The following CD2BP2 variants were observed in gnomAD, a reference collection of about 807,000 sequenced individuals.
The protein encoded by CD2BP2 is CD2 cytoplasmic tail binding protein 2, also known as CD2 antigen cytoplasmic tail-binding protein 2.
In CD2BP2, 27 loss-of-function variants were observed where a neutral mutation model predicts 35.9. The observed-to-expected ratio is 0.75, with a 90% confidence interval of 0.55 to 1.04. CD2BP2 has a LOEUF of 1.04. Ranked by LOEUF, CD2BP2 falls within the 50% of genes least tolerant of loss-of-function variation. The pLI is 0.00. For missense variants in CD2BP2, 497 were observed against 444.3 expected, an observed-to-expected ratio of 1.12 and a Z score of -1.07; for synonymous variants, 213 against 173.5, an observed-to-expected ratio of 1.23 and a Z score of -1.79.
chr16:30,354,960 T>G, intron 1 of CD2BP2: 1 of 418,872 alleles, frequency 2.4e-6, no homozygotes, highest in East Asian at 4.9e-5. Context: ...GAGACAGGCT[T>G]CACCACGTGA....
At chr16:30,353,151 C>T in intron 6 of CD2BP2, 30 bp downstream of exon 6, 1 of 1,607,932 alleles carries the variant, frequency 6.2e-7, no homozygotes, top group Non-Finnish European at 8.5e-7. Flanking sequence ...GAAGCAGGGA[C>T]AAGGCAGGAG....
In CD2BP2 at chr16:30,353,509, C is replaced by A. The variant is rs1198532365; in HGVS notation, c.667G>T (p.Glu223Ter). The A allele has an allele frequency of 6.2e-6, 10 of 1,614,096 alleles. No individual in the cohort carries two copies. Among genetic ancestry groups the A allele is most frequent in the Non-Finnish European group, 8.5e-6 (10 of 1,180,040 alleles). The change falls in exon 5 of 7, where the codon GAA (glutamate) becomes TAA (stop). Residue 223 changes from glutamate (E) to a stop codon, truncating the protein, a stop_gained. Coordinates refer to ENST00000305596, the MANE Select transcript of CD2BP2 (RefSeq NM_006110.3). LOFTEE classifies it high-confidence loss of function. ...CCCTTCAGACGCATAGCCAACCGTT[C>A]CCTTGTTTCCTGGTACACACCAAGG... ...GNLGVYQETR[E>*]RLAMRLKGLG...
Position 30,353,778 on chromosome 16 carries a change from G to T in CD2BP2, c.398C>A (p.Pro133His). 6.2e-7 allele frequency: 1 copy of T among 1,603,410 alleles called. No homozygotes were observed. Residue 133 changes from proline (P) to histidine (H), a missense_variant, in exon 5 of 7, where the codon CCT (proline) becomes CAT (histidine). Physicochemically the swap from Pro to His is moderately conservative, Grantham distance 77 (BLOSUM62 -2). Transcript: ENST00000305596. ...IDWVKIRERP[P>H]GQRQASDSEE... Reference sequence around the variant, plus strand: ...CGAGTCTGAGGCCTGGCGCTGGCCAGGTGGCCGCTCCCGGATCTTCACCTG... The same window carrying T: ...CGAGTCTGAGGCCTGGCGCTGGCCATGTGGCCGCTCCCGGATCTTCACCTG...
rs775874982 is a variant in CD2BP2, at chr16:30,353,966, C to T, written c.310G>A (p.Asp104Asn). The stretch of plus-strand genomic sequence containing the variant: ...TCCCGGTTCAGGAAGTAGTTGCCAT[C>T]GGCATCAAAGTGGCCTTCCTCCATC... The part of the protein sequence containing the change: ...EEMEEGHFDA[D>N]GNYFLNRDAQ... The change falls in exon 4 of 7, where the codon GAT becomes AAT. Residue 104 changes from aspartate (D) to asparagine (N), a missense_variant. Transcript: ENST00000305596. 7 of 1,614,174 alleles carry T rather than the reference C, an allele frequency of 4.3e-6. No individual in the cohort carries two copies. Among genetic ancestry groups the T allele is most frequent in the South Asian group, 3.3e-5 (3 of 91,090 alleles).
At position 30,352,683 on chromosome 16, in the gene CD2BP2, G is replaced by A. The variant is rs1419726641; in HGVS notation, c.*302C>T. ...AGAGGAGCACAGAGCAGCGCAGTTG[G>A]GGGTGTTTACACGGCAAGCAGAGTC... On this transcript the variant is annotated 3_prime_UTR_variant, in exon 7 of 7. Coordinates refer to ENST00000305596, the MANE Select transcript of CD2BP2 (RefSeq NM_006110.3). 2.4e-6 allele frequency: 1 copy of A among 422,954 alleles called. No homozygotes were observed. The highest frequency in any genetic ancestry group is 4.3e-6 in the Non-Finnish European group (1 of 229,914). 26.2% of individuals were successfully genotyped at this position (422,954 alleles called of 1,614,324 possible).
chr16:30,353,351 C>G lies in CD2BP2; in HGVS notation c.808+17G>C. 6.2e-7 allele frequency: 1 copy of G among 1,613,830 alleles called. No homozygotes were observed. Among genetic ancestry groups the G allele is most frequent in the East Asian group, 2.2e-5 (1 of 44,890 alleles). The stretch of plus-strand genomic sequence containing the variant: ...CACTTCCTACCCACTGCCCCCTCCT[C>G]TGTCCTCCAAGCTCACCTCCTCTCT... On this transcript the variant is annotated intron_variant, in intron 5 of 6. Coordinates refer to ENST00000305596, the MANE Select transcript of CD2BP2 (RefSeq NM_006110.3).
rs2049489703 is a variant in CD2BP2 at position 30,352,465 on chromosome 16, C to T, written c.*520G>A. 6.4e-6 allele frequency: 1 copy of T among 156,790 alleles called. No individual in the cohort carries two copies. Among genetic ancestry groups the T allele is most frequent in the African/African-American group, 2.4e-5 (1 of 41,478 alleles). The allele number at this position is 156,790 out of a possible 1,614,324, so 9.7% of individuals were successfully genotyped here. A position where few individuals can be genotyped will look rare whatever the true frequency, so the allele number is the denominator to read the frequency against. On this transcript the variant is annotated 3_prime_UTR_variant, in exon 7 of 7. Coordinates refer to ENST00000305596, the MANE Select transcript of CD2BP2 (RefSeq NM_006110.3). ...CCACTTCTGCCCAGCATCTAAGGAG[C>T]TTGAGAGGGTGAAGCGAGAGTAAGA...
In CD2BP2 at chr16:30,354,713, G is replaced by A. The variant is rs199751070; in HGVS notation, c.-26-6C>T. On this transcript the variant is annotated splice_polypyrimidine_tract_variant and splice_region_variant and intron_variant, in intron 1 of 6. Coordinates refer to ENST00000305596, the MANE Select transcript of CD2BP2 (RefSeq NM_006110.3). ...GCAAAGAGGTGTTTCTCAAGCTGAG[G>A]AAAGGATGCAGAGGAAGGGAACCGG... 9.5e-4 allele frequency: 1,518 copies of A among 1,603,886 alleles called. 2 individuals carry two copies. The highest frequency in any genetic ancestry group is 1.2e-3 in the Non-Finnish European group (1,450 of 1,170,774).
At chr16:30,353,147 G>T in intron 6 of CD2BP2, 34 bp downstream of exon 6, 1 of 1,608,664 alleles carries the variant, frequency 6.2e-7, no homozygotes, top group Non-Finnish European at 8.5e-7. Flanking sequence ...GGGGGAAGCA[G>T]GGACAAGGCA....
In CD2BP2 at chr16:30,353,366, ACCT is replaced by A; in HGVS notation, c.807_808+1del. On this transcript the variant is annotated splice_donor_variant and coding_sequence_variant, in exon 5 of 7. Coordinates refer to ENST00000305596, the MANE Select transcript of CD2BP2 (RefSeq NM_006110.3). LOFTEE classifies it high-confidence loss of function. ...GCCCCCTCCTCTGTCCTCCAAGCTC[ACCT>A]CCTCTCTGGGTAGGGGTTGGGGTCT... 1 of 1,612,574 alleles carries A rather than the reference ACCT, an allele frequency of 6.2e-7. No homozygotes were observed. The highest frequency in any genetic ancestry group is 8.5e-7 in the Non-Finnish European group (1 of 1,179,370).
chr16:30,354,779 T>G, intron 1 of CD2BP2, 72 bp from the exon 2 acceptor site: 2 of 1,056,092 alleles, frequency 1.9e-6, no homozygotes, highest in Non-Finnish European at 3.0e-6. Context: ...ACAGCAAACA[T>G]TTTTCCTGGT....
At position 30,354,206 on chromosome 16, in the gene CD2BP2, G is replaced by T; in HGVS notation, c.195C>A (p.Ile65=). Reference sequence around the variant, plus strand: ...TACCTTCTACATCCTCTGAGGCCAAGATGTCATATTTGCTGGACCCCCCAT... The same window carrying T: ...TACCTTCTACATCCTCTGAGGCCAATATGTCATATTTGCTGGACCCCCCAT... ...DDDGGSSKYD[I]LASEDVEGQE... is the part of the protein sequence containing the mutation. The change falls in exon 3 of 7, where the codon ATC becomes ATA. Residue 65 remains isoleucine (I), a synonymous_variant. Coordinates refer to ENST00000305596, the MANE Select transcript of CD2BP2 (RefSeq NM_006110.3). 6.2e-7 allele frequency: 1 copy of T among 1,614,098 alleles called. No homozygotes were observed. The highest frequency in any genetic ancestry group is 1.6e-4 in the Middle Eastern group (1 of 6,062).
intron 1 of CD2BP2, 37 bp from the exon 2 acceptor site, chr16:30,354,744 G>A (rs1291045301): frequency 2.6e-5 from 37 of 1,406,782 alleles, no homozygotes; most frequent in Non-Finnish European, 3.6e-5. Context: ...ACCGGGTGAG[G>A]AGGGGACTCG....
At position 30,353,066 on chromosome 16, in the gene CD2BP2, G is replaced by A. The variant is rs750111270; in HGVS notation, c.945C>T (p.Asp315=). The change falls in exon 7 of 7, where the codon GAC becomes GAT. Residue 315 remains aspartate (D), a synonymous_variant. Coordinates refer to ENST00000305596, the MANE Select transcript of CD2BP2 (RefSeq NM_006110.3). ...QTWVSEGYFP[D]GVYCRKLDPP... ...GGTCCAGCTTCCGGCAATAAACACC[G>A]TCCGGGAAGTAGCCTTCACTCACCC... The A allele has an allele frequency of 1.2e-5, 19 of 1,613,850 alleles. No homozygotes were observed. The highest frequency in any genetic ancestry group is 1.6e-4 in the Middle Eastern group (1 of 6,084).
rs1035506124 is a variant in CD2BP2, at chr16:30,354,222, G to A, written c.179C>T (p.Ser60Phe). ...TGAGGCCAAGATGTCATATTTGCTG[G>A]ACCCCCCATCATCATCATCCTCCTC... ...DEEEDDDDGGSSKYDILASED... is the reference protein window; with the variant it reads ...DEEEDDDDGGFSKYDILASED... Residue 60 changes from serine (S) to phenylalanine (F), a missense_variant, in exon 3 of 7, where the codon TCC (serine) becomes TTC (phenylalanine). Coordinates refer to ENST00000305596, the MANE Select transcript of CD2BP2 (RefSeq NM_006110.3). The A allele has an allele frequency of 9.3e-6, 15 of 1,613,800 alleles. No homozygotes were observed. The African/African-American group carries it at 1.7e-4, about 19-fold the overall frequency.
intron 3 of CD2BP2, 62 bp from the exon 4 acceptor site, chr16:30,354,120 G>C: frequency 6.2e-7 from 1 of 1,611,860 alleles, no homozygotes; most frequent in Admixed American, 1.7e-5. Context: ...AGCCTCCCTC[G>C]CTCCACACCA....
In CD2BP2 at chr16:30,352,961, C is replaced by A; in HGVS notation, c.*24G>T. 1.3e-6 allele frequency: 2 copies of A among 1,486,722 alleles called. No homozygotes were observed. Among genetic ancestry groups the A allele is most frequent in the Non-Finnish European group, 1.9e-6 (2 of 1,063,872 alleles). 92.1% of individuals were successfully genotyped at this position (1,486,722 alleles called of 1,614,324 possible). ...CCACAAAGTCCAGGAAAGAAGGGCCCACCAAACTGGGCCCCCAGCAGGCTC... is the reference window on the plus strand; with the variant it reads ...CCACAAAGTCCAGGAAAGAAGGGCCAACCAAACTGGGCCCCCAGCAGGCTC... On this transcript the variant is annotated 3_prime_UTR_variant, in exon 7 of 7. Coordinates refer to ENST00000305596, the MANE Select transcript of CD2BP2 (RefSeq NM_006110.3).
intron 1 of CD2BP2, chr16:30,354,941 G>A: frequency 2.1e-6 from 1 of 478,354 alleles, no homozygotes. Context: ...CCCCGACCCT[G>A]GCTGAAAGGA....
Position 30,354,015 on chromosome 16 carries a change from G to A in CD2BP2, c.261C>T (p.Ile87=). The A allele has an allele frequency of 1.2e-6, 2 of 1,614,138 alleles. No homozygotes were observed. Among genetic ancestry groups the A allele is most frequent in the Middle Eastern group, 1.6e-4 (1 of 6,062 alleles). Residue 87 remains isoleucine (I), a synonymous_variant, in exon 4 of 7, where the codon ATC becomes ATT. Coordinates refer to ENST00000305596, the MANE Select transcript of CD2BP2 (RefSeq NM_006110.3). ...TCTCCTCCTGCAGGTTAAAGGGTGTGATCCGAACACCCCCCTCGCTGGGGA... is the reference window on the plus strand; with the variant it reads ...TCTCCTCCTGCAGGTTAAAGGGTGTAATCCGAACACCCCCCTCGCTGGGGA... ...ATLPSEGGVR[I]TPFNLQEEME... is the part of the protein sequence containing the mutation.
Sources: gnomAD v4.1 joint callset for allele counts on GRCh38, gnomAD v4.1.1 for gene constraint, MANE v1.5 for transcripts, NCBI Gene and HGNC (gene_info 2026-07-23, HGNC 2026-07-21) for gene names.